Variants in CDH13 observed in about 807,000 individuals in gnomAD.
The protein encoded by CDH13 is cadherin 13.
CDH13 carries 24 observed loss-of-function variants against 63.8 expected under a neutral mutation model. That is an observed-to-expected ratio of 0.38 (90% CI 0.27 to 0.53). The LOEUF (loss-of-function observed/expected upper bound fraction) is 0.53. Among genes scored for constraint, CDH13 ranks in the 20% least tolerant of loss-of-function variants. The pLI, the probability that CDH13 is intolerant of heterozygous loss-of-function variation, is 0.85. For synonymous variants in CDH13, 503 were observed against 355.3 expected (o/e 1.42, Z -4.67); for missense variants, 1,049 against 903.1 (o/e 1.16, Z -2.07).
At chr16:83,489,655 G>A (rs2073965584) in intron 7 of CDH13, among the ~76,000 whole-genome samples, 1 of 152,120 alleles carries the variant, frequency 6.6e-6, no homozygotes, top group African/African-American at 2.4e-5. Flanking sequence ...ATTGAGACTT[G>A]GCACTTTTTG....
chr16:82,655,583 C>A (rs922515182), intron 1 of CDH13, among the ~76,000 whole-genome samples: 4 of 151,998 alleles, frequency 2.6e-5, no homozygotes, highest in South Asian at 2.1e-4. Flanking sequence ...GATGGGAAAC[C>A]ACTGGTGGGG....
intron 11 of CDH13, among the ~76,000 whole-genome samples, chr16:83,756,580 A>T (rs1469436884): frequency 6.6e-6 from 1 of 152,188 alleles, no homozygotes. Context: ...CTCTTCAGCT[A>T]CTGTTAGTGT....
At chr16:83,094,979 T>G (rs963909022) in intron 3 of CDH13, among the ~76,000 whole-genome samples, 3 of 152,214 alleles carry the variant, frequency 2.0e-5, no homozygotes. Context: ...GAGGTCCTAT[T>G]GTAGGATTAA....
chr16:82,860,387 G>GT (rs1306999151), intron 2 of CDH13, among the ~76,000 whole-genome samples: 1 of 55,014 alleles, frequency 1.8e-5, no homozygotes, highest in Non-Finnish European at 3.9e-5. Context: ...GTGTGTGTGT[G>GT]TGGGGGGGGG....
At chr16:82,944,778 A>AAG (rs890695141) in intron 2 of CDH13, among the ~76,000 whole-genome samples, 9 of 151,598 alleles carry the variant, frequency 5.9e-5, no homozygotes, top group African/African-American at 1.2e-4. Context: ...GAGAGAGAGA[A>AAG]AGAGAGAGAG....
At chr16:83,303,536 C>G (rs1251750270) in intron 5 of CDH13, among the ~76,000 whole-genome samples, 5 of 152,262 alleles carry the variant, frequency 3.3e-5, no homozygotes, top group African/African-American at 1.2e-4. Flanking sequence ...GTTTAATTTC[C>G]AGGCTCTTTG....
chr16:83,164,528 C>G (rs1439097957), intron 4 of CDH13, among the ~76,000 whole-genome samples: 1 of 152,020 alleles, frequency 6.6e-6, no homozygotes, highest in Non-Finnish European at 1.5e-5. Context: ...CAAAACCAGC[C>G]TGGCCAACAT....
intron 11 of CDH13, among the ~76,000 whole-genome samples, chr16:83,761,207 C>G (rs1475149537): frequency 6.6e-6 from 1 of 152,070 alleles, no homozygotes; most frequent in East Asian, 1.9e-4. Context: ...ATAAAGAGCC[C>G]TTTGGACCTA....
intron 4 of CDH13, among the ~76,000 whole-genome samples, chr16:83,196,834 G>T (rs564531735): frequency 2.4e-4 from 36 of 152,326 alleles, no homozygotes; most frequent in African/African-American, 8.4e-4. Flanking sequence ...CTCAGACATT[G>T]CTGGTAGAAA....
At chr16:82,703,212 C>T (rs1483152741) in intron 1 of CDH13, among the ~76,000 whole-genome samples, 1 of 151,702 alleles carries the variant, frequency 6.6e-6, no homozygotes, top group African/African-American at 2.4e-5. Flanking sequence ...ATACTACACA[C>T]ACACACACAC....
intron 2 of CDH13, among the ~76,000 whole-genome samples, chr16:82,908,251 C>G (rs1373760232): frequency 6.6e-6 from 1 of 152,062 alleles, no homozygotes; most frequent in African/African-American, 2.4e-5. Context: ...GTAGCTAGAA[C>G]CTGAGGGAGG....
At chr16:83,511,175 T>A (rs546890188) in intron 7 of CDH13, among the ~76,000 whole-genome samples, 50 of 152,158 alleles carry the variant, frequency 3.3e-4, no homozygotes, top group African/African-American at 1.2e-3. Flanking sequence ...CACAGAATGG[T>A]TCGTGGCCGG....
intron 4 of CDH13, among the ~76,000 whole-genome samples, chr16:83,202,382 G>C (rs1308311692): frequency 6.6e-6 from 1 of 152,150 alleles, no homozygotes; most frequent in Non-Finnish European, 1.5e-5. Context: ...GCTTTCCTGA[G>C]GGGACTTGAA....
intron 5 of CDH13, among the ~76,000 whole-genome samples, chr16:83,325,541 A>G (rs2090341226): frequency 6.6e-6 from 1 of 152,202 alleles, no homozygotes; most frequent in African/African-American, 2.4e-5. Context: ...CTAGCACGAG[A>G]GAAGCCGTAG....
chr16:83,339,305 C>A (rs1391542441), intron 5 of CDH13, among the ~76,000 whole-genome samples: 1 of 152,182 alleles, frequency 6.6e-6, no homozygotes, highest in East Asian at 1.9e-4. Context: ...AAACATGCAA[C>A]TGTATTTATC....
At chr16:82,760,047 C>G (rs1399225528) in intron 1 of CDH13, among the ~76,000 whole-genome samples, 1 of 152,136 alleles carries the variant, frequency 6.6e-6, no homozygotes, top group Non-Finnish European at 1.5e-5. Flanking sequence ...TTGCAAAGAT[C>G]TGGAGCATTC....
intron 2 of CDH13, among the ~76,000 whole-genome samples, chr16:82,866,060 T>C (rs1430619550): frequency 6.6e-6 from 1 of 152,172 alleles, no homozygotes; most frequent in Non-Finnish European, 1.5e-5. Context: ...CGCCAGTCTC[T>C]TTGCTAAAGT....
At chr16:82,848,410 C>A (rs552097201) in intron 1 of CDH13, among the ~76,000 whole-genome samples, 1 of 152,312 alleles carries the variant, frequency 6.6e-6, no homozygotes, top group East Asian at 1.9e-4. Flanking sequence ...CAACTCTGCA[C>A]TGAGCAAGTT....
At chr16:82,669,364 G>A (rs546242931) in intron 1 of CDH13, among the ~76,000 whole-genome samples, 6 of 152,286 alleles carry the variant, frequency 3.9e-5, no homozygotes, top group African/African-American at 7.2e-5. Flanking sequence ...GAAAATGGAC[G>A]CAGGTACAAT....
Sources: allele counts gnomAD v4.1 joint callset (sites outside exome capture counted in the v4.1 genomes callset), GRCh38; gene constraint gnomAD v4.1.1; transcripts MANE v1.5; gene names NCBI Gene and HGNC (gene_info 2026-07-23, HGNC 2026-07-21).